PTPRT: variants seen among roughly 807,000 people sequenced by gnomAD.
The protein encoded by PTPRT is receptor-type tyrosine-protein phosphatase T.
Under a neutral mutation model 176.8 loss-of-function variants are expected in PTPRT, and 56 were observed. The observed-to-expected ratio is 0.32, with a 90% confidence interval of 0.26 to 0.40. The LOEUF (loss-of-function observed/expected upper bound fraction) is 0.40. Among genes scored for constraint, PTPRT ranks in the 10% least tolerant of loss-of-function variants. The probability of loss-of-function intolerance (pLI) is 1.00; values close to 1 mark genes in which losing one functional copy is unlikely to be tolerated. For missense variants in PTPRT, 1,540 were observed against 1,908.2 expected (o/e 0.81, Z 3.60); for synonymous variants, 783 against 739.0 (o/e 1.06, Z -0.96).
chr20:42,381,357 C>G (rs1463837085), intron 9 of PTPRT, among the ~76,000 whole-genome samples: 2 of 152,134 alleles, frequency 1.3e-5, no homozygotes, highest in Non-Finnish European at 2.9e-5. Context: ...AGAGCCAAAG[C>G]CCAATTTGCC....
intron 9 of PTPRT, among the ~76,000 whole-genome samples, chr20:42,382,130 TAGAA>T (rs1652005621): frequency 6.6e-6 from 1 of 152,214 alleles, no homozygotes; most frequent in Admixed American, 6.5e-5. Context: ...TTACATTAAT[TAGAA>T]AGTTCCATAT....
intron 7 of PTPRT, among the ~76,000 whole-genome samples, chr20:42,673,182 C>T (rs746940997): frequency 1.6e-4 from 24 of 152,148 alleles, no homozygotes; most frequent in Non-Finnish European, 2.6e-4. Context: ...AGCATTTAAC[C>T]GATTGGTGAC....
intron 1 of PTPRT, among the ~76,000 whole-genome samples, chr20:43,094,399 T>C (rs1411745486): frequency 1.4e-5 from 2 of 139,398 alleles, no homozygotes; most frequent in Non-Finnish European, 3.1e-5. Context: ...TTCTTTTTTT[T>C]TTTTTTTTTT....
At chr20:42,428,253 C>G (rs2059184238) in intron 9 of PTPRT, among the ~76,000 whole-genome samples, 1 of 152,208 alleles carries the variant, frequency 6.6e-6, no homozygotes, top group Non-Finnish European at 1.5e-5. Flanking sequence ...GACCATACTA[C>G]CACTTACAGT....
chr20:42,989,571 T>A (rs1983777675), intron 1 of PTPRT, among the ~76,000 whole-genome samples: 1 of 151,880 alleles, frequency 6.6e-6, no homozygotes, highest in African/African-American at 2.4e-5. Flanking sequence ...TAGAAACGAG[T>A]ATTGGTTTAT....
intron 1 of PTPRT, among the ~76,000 whole-genome samples, chr20:43,172,179 A>G (rs1372791150): frequency 6.6e-6 from 1 of 152,142 alleles, no homozygotes; most frequent in African/African-American, 2.4e-5. Context: ...CTTGACACAC[A>G]GGAGTTGAAT....
At chr20:42,102,097 G>A (rs750993774) in intron 26 of PTPRT, 27 bp downstream of exon 26, 4 of 1,600,812 alleles carry the variant, frequency 2.5e-6, no homozygotes, top group Non-Finnish European at 3.4e-6. Flanking sequence ...ATGCCAGCTA[G>A]GAGCTTTCTG....
At chr20:42,829,557 A>T (rs1296782105) in intron 2 of PTPRT, among the ~76,000 whole-genome samples, 1 of 152,170 alleles carries the variant, frequency 6.6e-6, no homozygotes. Flanking sequence ...GTGAAACCCC[A>T]TCTCTACTAA....
chr20:42,090,340 C>T (rs1292245719), intron 27 of PTPRT, among the ~76,000 whole-genome samples: 2 of 150,786 alleles, frequency 1.3e-5, no homozygotes, highest in South Asian at 2.1e-4. Flanking sequence ...CTTGGGGTAG[C>T]TGTGAAGATG....
rs766297264 is a variant in PTPRT at position 42,315,617 on chromosome 20, C to T, written c.2139+106G>A. The T allele has an allele frequency of 4.5e-4, 600 of 1,336,522 alleles. 2 individuals carry two copies. The highest frequency in any genetic ancestry group is 5.8e-4 in the Non-Finnish European group (567 of 977,232). 82.8% of individuals were successfully genotyped at this position (1,336,522 alleles called of 1,614,324 possible). On this transcript the variant is annotated intron_variant, in intron 12 of 30. Coordinates refer to ENST00000373187, the MANE Select transcript of PTPRT (RefSeq NM_007050.6). ...AAGGCATGAGGTAGGATTTGCCCCA[C>T]GGGCCTTAGTTTTTCATCCTCTGCT...
At chr20:42,971,977 T>A (rs1982667790) in intron 1 of PTPRT, among the ~76,000 whole-genome samples, 1 of 151,816 alleles carries the variant, frequency 6.6e-6, no homozygotes, top group Non-Finnish European at 1.5e-5. Flanking sequence ...GATGACAATT[T>A]AACAATAAGC....
chr20:42,057,112 A>G, the PTPRT span, among the ~76,000 whole-genome samples: 1 of 152,232 alleles, frequency 6.6e-6, no homozygotes, highest in Non-Finnish European at 1.5e-5. Flanking sequence ...CCTCCCGCAC[A>G]TCATGAAGAC....
At position 42,098,426 on chromosome 20, in the gene PTPRT, C is replaced by T. The variant is rs919368645; in HGVS notation, c.3841G>A (p.Ala1281Thr). ...SVVMLNEMDT[A>T]QFCMQYWPEK... Reference sequence around the variant, plus strand: ...TTGGCTTGGCCTCCTCCTACCTGGGCAGTGTCCATCTCATTCAGCATCACC... The same window carrying T: ...TTGGCTTGGCCTCCTCCTACCTGGGTAGTGTCCATCTCATTCAGCATCACC... Residue 1281 changes from alanine (A) to threonine (T), a missense_variant, in exon 27 of 31, where the codon GCC (alanine) becomes ACC (threonine). By Grantham distance (58) the Ala-to-Thr change is moderately conservative. This residue lies in a region of PTPRT where 342 missense variants were observed against 394.0 expected (regional missense o/e 0.87). Transcript: ENST00000373187. The T allele has an allele frequency of 1.9e-6, 3 of 1,614,084 alleles. No homozygotes were observed. Among genetic ancestry groups the T allele is most frequent in the Non-Finnish European group, 1.7e-6 (2 of 1,179,982 alleles).
intron 13 of PTPRT, among the ~76,000 whole-genome samples, chr20:42,281,490 C>T (rs1272566153): frequency 6.6e-6 from 1 of 152,068 alleles, no homozygotes; most frequent in Non-Finnish European, 1.5e-5. Context: ...CGTCAAGTAG[C>T]TGTAGATTTT....
At chr20:43,073,825 C>T (rs1047361388) in intron 1 of PTPRT, among the ~76,000 whole-genome samples, 1 of 152,100 alleles carries the variant, frequency 6.6e-6, no homozygotes, top group South Asian at 2.1e-4. Context: ...AATTACAGCT[C>T]ACTGTAATCT....
intron 8 of PTPRT, among the ~76,000 whole-genome samples, chr20:42,458,876 G>A (rs1158237850): frequency 6.6e-6 from 1 of 152,072 alleles, no homozygotes; most frequent in East Asian, 1.9e-4. Flanking sequence ...TCTTCTAAGT[G>A]CTTGGGAAGC....
At chr20:42,700,065 T>C (rs940665930) in intron 6 of PTPRT, among the ~76,000 whole-genome samples, 2 of 152,176 alleles carry the variant, frequency 1.3e-5, no homozygotes, top group Non-Finnish European at 2.9e-5. Flanking sequence ...GCTTGGCCAC[T>C]GGGCAGTGAA....
At chr20:42,592,220 C>T (rs2073592875) in intron 7 of PTPRT, among the ~76,000 whole-genome samples, 2 of 151,934 alleles carry the variant, frequency 1.3e-5, no homozygotes. Context: ...CGTGATCCTC[C>T]CGCCTCAGCC....
intron 1 of PTPRT, among the ~76,000 whole-genome samples, chr20:42,944,031 T>C (rs1600580301): frequency 6.7e-6 from 1 of 149,612 alleles, no homozygotes; most frequent in Non-Finnish European, 1.5e-5. Context: ...AAAATAAAAA[T>C]AAATAAATAA....
Sources: allele counts gnomAD v4.1 joint callset (sites outside exome capture counted in the v4.1 genomes callset), GRCh38; gene constraint gnomAD v4.1.1; regional missense constraint gnomAD v4.1.1; transcripts MANE v1.5; gene names NCBI Gene and HGNC (gene_info 2026-07-23, HGNC 2026-07-21).